Variants in DIP2C observed in about 807,000 individuals in gnomAD.
The protein encoded by DIP2C is DIP2 acetate--CoA ligase C (putative), also known as disco-interacting protein 2 homolog C.
DIP2C carries 33 observed loss-of-function variants against 192.4 expected under a neutral mutation model. That is an observed-to-expected ratio of 0.17 (90% confidence interval 0.13 to 0.23). The LOEUF (loss-of-function observed/expected upper bound fraction) is 0.23, where lower values mean the gene tolerates loss of function less well. Among genes scored for constraint, DIP2C ranks in the 10% least tolerant of loss-of-function variants. The pLI, the probability that DIP2C is intolerant of heterozygous loss-of-function variation, is 1.00. For synonymous variants in DIP2C, 979 were observed against 864.1 expected (o/e 1.13, Z -2.33); for missense variants, 1,537 against 2,110.1 (o/e 0.73, Z 5.32).
intron 32 of DIP2C, among the ~76,000 whole-genome samples, chr10:297,443 T>G (rs572384646): frequency 2.6e-5 from 4 of 152,240 alleles, no homozygotes; most frequent in South Asian, 4.1e-4. Flanking sequence ...CAACAGCAGA[T>G]GAATGGATAT....
chr10:429,166 C>T lies in DIP2C; in HGVS notation c.395-6133G>A, dbSNP rs1034442556. 4.6e-5 allele frequency among the ~76,000 whole-genome samples: 7 copies of T among 152,134 alleles called. No individual in the cohort carries two copies. The East Asian group carries it at 9.7e-4, about 21-fold the overall frequency. On this transcript the variant is annotated intron_variant, in intron 4 of 36. Coordinates refer to ENST00000280886, the MANE Select transcript of DIP2C (RefSeq NM_014974.3). The stretch of plus-strand genomic sequence containing the variant: ...CACAGTATCATACAGAGATCACATG[C>T]TACTAAAAAATCCTCCTGCTTTGCC...
intron 1 of DIP2C, among the ~76,000 whole-genome samples, chr10:525,158 C>T (rs967360044): frequency 1.3e-5 from 2 of 151,978 alleles, no homozygotes; most frequent in Non-Finnish European, 2.9e-5. Flanking sequence ...CCCTTAAAAC[C>T]CACAGCATAT....
intron 3 of DIP2C, among the ~76,000 whole-genome samples, chr10:441,847 CTG>C (rs1967763917): frequency 1.3e-5 from 2 of 152,114 alleles, no homozygotes; most frequent in South Asian, 4.1e-4. Flanking sequence ...AGTGCCTCCT[CTG>C]TAAGTCCCTA....
chr10:613,261 C>T (rs1853223161), intron 1 of DIP2C, among the ~76,000 whole-genome samples: 1 of 152,262 alleles, frequency 6.6e-6, no homozygotes. Flanking sequence ...TGAGAGGACG[C>T]TCGGACAGTC....
chr10:486,460 C>G lies in DIP2C; in HGVS notation c.156G>C (p.Pro52=), dbSNP rs753310455. The part of the protein sequence containing the change: ...KLIGAYLPQP[P]RVDQALPQER... Reference sequence around the variant, plus strand: ...ATGCTACTCATGGGGGTTACCTACTCGGAGGCTGCGGAAGGTAGGCTCCAA... The same window carrying G: ...ATGCTACTCATGGGGGTTACCTACTGGGAGGCTGCGGAAGGTAGGCTCCAA... Residue 52 remains proline (P), a splice_region_variant and synonymous_variant, in exon 2 of 37, where the codon CCG becomes CCC. Coordinates refer to ENST00000280886, the MANE Select transcript of DIP2C (RefSeq NM_014974.3). 1 of 1,598,216 alleles carries G rather than the reference C, an allele frequency of 6.3e-7. No individual in the cohort carries two copies. The highest frequency in any genetic ancestry group is 1.3e-5 in the African/African-American group (1 of 74,286).
rs138795302 is a variant in DIP2C, at chr10:498,823, G to A, written c.86-12293C>T. ...GCCTGAAAAAAGCTACTGCTGTGTG[G>A]GCGAATTAAGGAGGCAATGCGCATT... On this transcript the variant is annotated intron_variant, in intron 1 of 36. Transcript: ENST00000280886. Among the ~76,000 whole-genome samples, 795 of 152,238 alleles carry A rather than the reference G, an allele frequency of 5.2e-3. 4 individuals carry two copies. Among genetic ancestry groups the A allele is most frequent in the Non-Finnish European group, 9.6e-3 (653 of 68,008 alleles).
chr10:363,104 C>T lies in DIP2C; in HGVS notation c.2592+93G>A, dbSNP rs1366980772. On this transcript the variant is annotated intron_variant, in intron 21 of 36. Coordinates refer to ENST00000280886, the MANE Select transcript of DIP2C (RefSeq NM_014974.3). The surrounding 1 kb of genome is among the most constrained non-coding windows in gnomAD (Gnocchi z 5.4). ...AAGGGAAAAAGGGCCACCCCATGGG[C>T]AAAGCAACAGCTGGTCACACCATGA... The T allele has an allele frequency of 2.6e-6, 3 of 1,173,444 alleles. No individual in the cohort carries two copies. In the African/African-American group the frequency reaches 4.6e-5, roughly 18 times the overall value. 72.7% of individuals were successfully genotyped at this position (1,173,444 alleles called of 1,614,324 possible).
chr10:362,535 G>C lies in DIP2C; in HGVS notation c.2749C>G (p.His917Asp). ...LHPCNVLMCP[H>D]TCVTNLPKPR... is the part of the protein sequence containing the mutation. ...TTAGGCAAGTTTGTGACGCAGGTGT[G>C]GGGGCACATTAGGACATTGCAGGGG... is the stretch of plus-strand genomic sequence containing the variant. Residue 917 changes from histidine (H) to aspartate (D), a missense_variant, in exon 22 of 37, where the codon CAC becomes GAC. His to Asp is a moderately conservative substitution (Grantham distance 81). Around this residue, in one of 4 missense-constraint regions of DIP2C, gnomAD observed 677 missense variants for 989.9 expected, o/e 0.68. Transcript: ENST00000280886. 1 of 1,614,042 alleles carries C rather than the reference G, an allele frequency of 6.2e-7. No individual in the cohort carries two copies. The highest frequency in any genetic ancestry group is 8.5e-7 in the Non-Finnish European group (1 of 1,179,948).
chr10:592,166 T>G lies in DIP2C; in HGVS notation c.85+97328A>C, dbSNP rs1419787563. On this transcript the variant is annotated intron_variant, in intron 1 of 36. Coordinates refer to ENST00000280886, the MANE Select transcript of DIP2C (RefSeq NM_014974.3). ...TGATATTTCTGCTAATTAGGAAGCA[T>G]ATTAATATAAAGTGAATTCCAAGTG... Among the ~76,000 whole-genome samples the G allele has an allele frequency of 4.0e-5, 6 of 151,426 alleles. No individual in the cohort carries two copies. In the East Asian group the frequency reaches 5.8e-4, roughly 15 times the overall value.
chr10:301,747 T>C (rs1252855570), intron 32 of DIP2C, among the ~76,000 whole-genome samples: 1 of 152,186 alleles, frequency 6.6e-6, no homozygotes, highest in East Asian at 1.9e-4. Flanking sequence ...CCTCGCCCGC[T>C]TGCAGGGTGG....
intron 8 of DIP2C, among the ~76,000 whole-genome samples, chr10:413,403 C>G (rs913744471): frequency 2.6e-5 from 4 of 152,216 alleles, no homozygotes; most frequent in African/African-American, 9.6e-5. Flanking sequence ...TTTTTTCTAA[C>G]TACCAATCTT....
At chr10:438,462 T>C (rs1227956463) in intron 4 of DIP2C, among the ~76,000 whole-genome samples, 2 of 152,092 alleles carry the variant, frequency 1.3e-5, no homozygotes, top group South Asian at 4.1e-4. Flanking sequence ...TTTTGGCAAA[T>C]TATAACCATA....
At chr10:303,591 T>C (rs1956161288) in intron 32 of DIP2C, among the ~76,000 whole-genome samples, 1 of 152,150 alleles carries the variant, frequency 6.6e-6, no homozygotes, top group South Asian at 2.1e-4. Flanking sequence ...TGGCGCGATC[T>C]TGGCTCACCA....
chr10:495,402 T>C (rs866978011), intron 1 of DIP2C, among the ~76,000 whole-genome samples: 5 of 152,164 alleles, frequency 3.3e-5, no homozygotes, highest in Admixed American at 6.5e-5. Context: ...TTCTGTATTC[T>C]CACCACACAT....
At chr10:463,737 C>G (rs1969979115) in intron 3 of DIP2C, among the ~76,000 whole-genome samples, 1 of 152,156 alleles carries the variant, frequency 6.6e-6, no homozygotes, top group Admixed American at 6.5e-5. Flanking sequence ...TACCTGACTT[C>G]AAACTATAGA....
chr10:607,470 C>G (rs909604914), intron 1 of DIP2C, among the ~76,000 whole-genome samples: 5 of 152,134 alleles, frequency 3.3e-5, no homozygotes, highest in African/African-American at 1.2e-4. Flanking sequence ...ACATCAGAGA[C>G]GTTATATCTT....
chr10:634,328 C>G (rs1854704998), intron 1 of DIP2C, among the ~76,000 whole-genome samples: 1 of 152,202 alleles, frequency 6.6e-6, no homozygotes, highest in African/African-American at 2.4e-5. Flanking sequence ...TTACTTTTCA[C>G]CTGCCCGTCC....
chr10:577,006 G>A (rs569985012), intron 1 of DIP2C, among the ~76,000 whole-genome samples: 13 of 152,300 alleles, frequency 8.5e-5, no homozygotes, highest in East Asian at 1.9e-4. Flanking sequence ...TTAGCTGGTA[G>A]TTGATCCAGT....
rs763738476 is a variant in DIP2C at position 472,512 on chromosome 10, A to G, written c.195T>C (p.Pro65=). The change falls in exon 3 of 37, where the codon CCT becomes CCC. Residue 65 remains proline (P), a synonymous_variant. Transcript: ENST00000280886. Reference sequence around the variant, plus strand: ...AGCGAGAGGCGGAGGAAGGAGTGACAGGAGCCCGGCGTTCTTGCGGCAAAG... The same window carrying G: ...AGCGAGAGGCGGAGGAAGGAGTGACGGGAGCCCGGCGTTCTTGCGGCAAAG... The part of the protein sequence containing the change: ...DQALPQERRA[P]VTPSSASRYH... 5.6e-6 allele frequency: 9 copies of G among 1,614,116 alleles called. No individual in the cohort carries two copies. The highest frequency in any genetic ancestry group is 7.6e-6 in the Non-Finnish European group (9 of 1,180,048).
Sources: allele counts gnomAD v4.1 joint callset (sites outside exome capture counted in the v4.1 genomes callset), GRCh38; gene constraint gnomAD v4.1.1; regional missense constraint gnomAD v4.1.1; non-coding constraint Gnocchi (gnomAD v3.1); transcripts MANE v1.5; gene names NCBI Gene and HGNC (gene_info 2026-07-23, HGNC 2026-07-21).